Variants in GSG1 observed in about 807,000 individuals in gnomAD.
GSG1 encodes germ cell-specific gene 1 protein.
A neutral mutation model predicts 30.8 loss-of-function variants in GSG1; 28 were observed. The observed-to-expected ratio is 0.91, with a 90% CI of 0.67 to 1.25. The LOEUF is 1.25. Among genes scored for constraint, GSG1 ranks in the 50% most tolerant of loss-of-function variants. GSG1 has a pLI of 0.00. For synonymous variants in GSG1, 162 were observed against 178.0 expected (o/e 0.91, Z 0.71); for missense variants, 435 against 444.7 (o/e 0.98, Z 0.20).
At position 13,090,914 on chromosome 12, in the gene GSG1, G is replaced by A. The variant is rs903902856; in HGVS notation, c.49-96C>T. On this transcript the variant is annotated intron_variant, in intron 1 of 6. Transcript: ENST00000651961. ...GGCCATCCTTCCCTGCACTCCCTCC[G>A]CTCAAGCCATACTCCTCCAAGGCAG... The A allele has an allele frequency of 2.6e-5, 27 of 1,027,652 alleles. No individual in the cohort carries two copies. The African/African-American group carries it at 2.7e-4, about 10-fold the overall frequency. The allele number at this position is 1,027,652 out of a possible 1,614,324, so 63.7% of individuals were successfully genotyped here.
At chr12:13,099,761 T>G (rs531197042) in intron 1 of GSG1, among the ~76,000 whole-genome samples, 307 of 148,894 alleles carry the variant, frequency 2.1e-3, no homozygotes, top group Non-Finnish European at 3.4e-3. Flanking sequence ...TTTTTTTTTT[T>G]TTTTTTTGTT....
In GSG1 at chr12:13,083,576, G is replaced by A. The variant is rs1865277112; in HGVS notation, c.*1325C>T. 1 of 144,364 alleles carries A rather than the reference G, an allele frequency of 6.9e-6. No individual in the cohort carries two copies. The highest frequency in any genetic ancestry group is 2.2e-4 in the South Asian group (1 of 4,604). The allele number at this position is 144,364 out of a possible 1,614,324, so 8.9% of individuals were successfully genotyped here. ...TTTTTTTTTAAGTTCTAGGGTACATGTGCACAACGTGCAGATTTGTTACAT... is the reference window on the plus strand; with the variant it reads ...TTTTTTTTTAAGTTCTAGGGTACATATGCACAACGTGCAGATTTGTTACAT... On this transcript the variant is annotated 3_prime_UTR_variant, in exon 7 of 7. Coordinates refer to ENST00000651961, the MANE Select transcript of GSG1 (RefSeq NM_001080555.4).
At position 13,084,944 on chromosome 12, in the gene GSG1, AGCTCCTG is replaced by A; in HGVS notation, c.1039_1045del (p.Gln347Ter). The stretch of plus-strand genomic sequence containing the variant: ...TACAGATGACCTAACTGCTTCTTTC[AGCTCCTG>A]GCTGGCCCCTCTTTGAAATCCCTTG... On this transcript the variant is annotated frameshift_variant, in exon 7 of 7. Transcript: ENST00000651961. LOFTEE classifies it low-confidence loss of function (END_TRUNC). 1 of 1,551,752 alleles carries A rather than the reference AGCTCCTG, an allele frequency of 6.4e-7. No individual in the cohort carries two copies. The highest frequency in any genetic ancestry group is 8.7e-7 in the Non-Finnish European group (1 of 1,146,984).
rs1052687071 is a variant in GSG1, at chr12:13,084,742, C to T, written c.*159G>A. The T allele has an allele frequency of 1.9e-6, 1 of 539,748 alleles. No individual in the cohort carries two copies. Among genetic ancestry groups the T allele is most frequent in the East Asian group, 2.9e-5 (1 of 34,914 alleles). The allele number at this position is 539,748 out of a possible 1,614,324, so 33.4% of individuals were successfully genotyped here. On this transcript the variant is annotated 3_prime_UTR_variant, in exon 7 of 7. Transcript: ENST00000651961. ...GTAGAGGAAAAGAGAGCAGTGGCAC[C>T]CAGGAATCCCTTAGGACTTAAAGAT...
In GSG1 at chr12:13,101,164, G is replaced by A. The variant is rs1863164471; in HGVS notation, c.48+2301C>T. Among the ~76,000 whole-genome samples, 1 of 151,984 alleles carries A rather than the reference G, an allele frequency of 6.6e-6. No homozygotes were observed. Among genetic ancestry groups the A allele is most frequent in the South Asian group, 2.1e-4 (1 of 4,826 alleles). The stretch of plus-strand genomic sequence containing the variant: ...CAGCAGGCCGGCTGGGGCCGGGGGC[G>A]CTTGGGGACCGCGGGGCGGGGCGGG... On this transcript the variant is annotated intron_variant, in intron 1 of 6. Coordinates refer to ENST00000651961, the MANE Select transcript of GSG1 (RefSeq NM_001080555.4). This position sits in a 1 kb window ranked among gnomAD's most constrained non-coding sequence, Gnocchi z 5.8.
intron 1 of GSG1, among the ~76,000 whole-genome samples, chr12:13,092,445 G>C (rs1399226445): frequency 6.6e-6 from 1 of 152,134 alleles, no homozygotes; most frequent in Non-Finnish European, 1.5e-5. Flanking sequence ...CTGAAGTCCT[G>C]CCCCTTCTGA....
At chr12:13,099,758 T>TGTTG (rs1565551244) in intron 1 of GSG1, among the ~76,000 whole-genome samples, 305 of 133,932 alleles carry the variant, frequency 2.3e-3, no homozygotes, top group African/African-American at 8.6e-3. Flanking sequence ...TTGTTTTTTT[T>TGTTG]TTTTTTTTTT....
intron 1 of GSG1, 90 bp downstream of exon 1, chr12:13,103,375 A>C (rs1863356555): frequency 1.1e-6 from 1 of 942,238 alleles, no homozygotes; most frequent in Non-Finnish European, 1.7e-6. Flanking sequence ...AATACATGAA[A>C]TTGATGAGTT....
chr12:13,088,766 G>A (rs1865797516), intron 4 of GSG1, 96 bp downstream of exon 4: 2 of 1,613,754 alleles, frequency 1.2e-6, no homozygotes, highest in Non-Finnish European at 1.7e-6. Flanking sequence ...GGAGGGGAGG[G>A]GAGGGAAGCC....
At chr12:13,100,169 G>A (rs1193737721) in intron 1 of GSG1, among the ~76,000 whole-genome samples, 1 of 150,964 alleles carries the variant, frequency 6.6e-6, no homozygotes, top group Non-Finnish European at 1.5e-5. Context: ...GAATGAATGA[G>A]ATTTGTAATG....
intron 1 of GSG1, among the ~76,000 whole-genome samples, chr12:13,097,369 TA>T (rs1243866118): frequency 6.6e-6 from 1 of 151,550 alleles, no homozygotes; most frequent in Non-Finnish European, 1.5e-5. Flanking sequence ...TTGCAACACT[TA>T]TTTTTTTTTT....
chr12:13,085,665 AAC>A (rs138488912), intron 6 of GSG1, among the ~76,000 whole-genome samples: 1 of 151,638 alleles, frequency 6.6e-6, no homozygotes, highest in Non-Finnish European at 1.5e-5. Flanking sequence ...CTCCCACCCC[AAC>A]ACACACACAC....
intron 1 of GSG1, chr12:13,095,719 C>T: frequency 6.4e-7 from 1 of 1,571,608 alleles, no homozygotes; most frequent in East Asian, 2.4e-5. Flanking sequence ...TCCTCCCTCT[C>T]CTCCTACCCC....
intron 3 of GSG1, 121 bp from the exon 4 acceptor site, chr12:13,089,030 C>T (rs944892492): frequency 7.6e-7 from 1 of 1,311,368 alleles, no homozygotes; most frequent in African/African-American, 1.5e-5. Context: ...CCGCATAGAG[C>T]AGGAAAGCAG....
At chr12:13,094,009 A>G (rs1866417181) in intron 1 of GSG1, among the ~76,000 whole-genome samples, 1 of 152,250 alleles carries the variant, frequency 6.6e-6, no homozygotes, top group Non-Finnish European at 1.5e-5. Context: ...AAAGAAGCCC[A>G]TGGTTAGTTG....
intron 1 of GSG1, among the ~76,000 whole-genome samples, chr12:13,091,945 TC>T: frequency 6.6e-6 from 1 of 152,250 alleles, no homozygotes; most frequent in Non-Finnish European, 1.5e-5. Context: ...GGGAAAGTTT[TC>T]CCCTGGCTTT....
At chr12:13,086,180 G>T (rs1340844740) in intron 6 of GSG1, among the ~76,000 whole-genome samples, 1 of 152,198 alleles carries the variant, frequency 6.6e-6, no homozygotes, top group African/African-American at 2.4e-5. Flanking sequence ...GCTTCTGGGA[G>T]TTGACTAATG....
At chr12:13,099,763 T>TG in intron 1 of GSG1, among the ~76,000 whole-genome samples, 1 of 148,672 alleles carries the variant, frequency 6.7e-6, no homozygotes, top group South Asian at 2.2e-4. Flanking sequence ...TTTTTTTTTT[T>TG]TTTTTGTTTT....
chr12:13,090,474 T>G, intron 2 of GSG1, 29 bp downstream of exon 2: 1 of 1,583,636 alleles, frequency 6.3e-7, no homozygotes, highest in Non-Finnish European at 8.6e-7. Context: ...CCTGACCCCG[T>G]TGCTCTTATA....
Sources: allele counts gnomAD v4.1 joint callset (sites outside exome capture counted in the v4.1 genomes callset), GRCh38; gene constraint gnomAD v4.1.1; non-coding constraint Gnocchi (gnomAD v3.1); transcripts MANE v1.5; gene names NCBI Gene and HGNC (gene_info 2026-07-23, HGNC 2026-07-21).